The following ZHX2 variants were observed in gnomAD, a reference collection of about 807,000 sequenced individuals.
The protein encoded by ZHX2 is zinc fingers and homeoboxes protein 2.
ZHX2 carries 6 observed loss-of-function variants against 21.9 expected under a neutral mutation model. The ratio of observed to expected loss-of-function variants is 0.27; its 90% CI spans 0.15 to 0.54. The LOEUF is 0.54. Ranked by LOEUF, ZHX2 falls within the 20% of genes least tolerant of loss-of-function variation. The pLI is 0.95. For synonymous variants in ZHX2, 434 were observed against 437.1 expected, an observed-to-expected ratio of 0.99 and a Z score of 0.09; for missense variants, 908 against 1,090.7, an observed-to-expected ratio of 0.83 and a Z score of 2.36.
intron 1 of ZHX2, among the ~76,000 whole-genome samples, chr8:122,829,847 C>T (rs926568529): frequency 5.9e-5 from 9 of 152,218 alleles, no homozygotes; most frequent in African/African-American, 2.2e-4. Context: ...CAATGGCCTT[C>T]CCTCAACTGG....
chr8:122,790,456 T>G (rs1817491105), intron 1 of ZHX2, among the ~76,000 whole-genome samples: 2 of 152,174 alleles, frequency 1.3e-5, no homozygotes, highest in Non-Finnish European at 2.9e-5. Context: ...TACTCCTGCC[T>G]TCAGGAAGGT....
At chr8:122,973,079 C>T (rs759828519) in intron 3 of ZHX2, among the ~76,000 whole-genome samples, 163 bp from the exon 4 acceptor site, 3 of 152,148 alleles carry the variant, frequency 2.0e-5, no homozygotes, top group East Asian at 1.9e-4. Context: ...CAACAGGCCC[C>T]GTACATGAAG....
chr8:122,814,961 A>G (rs1818001659), intron 1 of ZHX2, among the ~76,000 whole-genome samples: 1 of 152,210 alleles, frequency 6.6e-6, no homozygotes, highest in Non-Finnish European at 1.5e-5. Context: ...CATTGTGCCC[A>G]ACATAGGCAC....
At chr8:122,835,556 A>G (rs1818475402) in intron 1 of ZHX2, among the ~76,000 whole-genome samples, 2 of 152,164 alleles carry the variant, frequency 1.3e-5, no homozygotes, top group Admixed American at 6.5e-5. Flanking sequence ...GACTGGGAAG[A>G]TGGCAGCTGA....
chr8:122,845,074 TG>T (rs969043969), intron 1 of ZHX2, among the ~76,000 whole-genome samples: 8 of 152,186 alleles, frequency 5.3e-5, no homozygotes, highest in Non-Finnish European at 8.8e-5. Flanking sequence ...CCAAAGAACA[TG>T]GGCTACAAAC....
intron 3 of ZHX2, among the ~76,000 whole-genome samples, chr8:122,957,511 A>C (rs1290404070): frequency 1.3e-5 from 2 of 152,036 alleles, no homozygotes; most frequent in African/African-American, 4.8e-5. Flanking sequence ...TCTGTGGCCC[A>C]GGCTGGAGTA....
intron 2 of ZHX2, among the ~76,000 whole-genome samples, chr8:122,939,386 C>T (rs1812785308): frequency 6.7e-6 from 1 of 148,898 alleles, no homozygotes; most frequent in East Asian, 2.0e-4. Flanking sequence ...GTGGTGGAAT[C>T]GAGCCGTCAT....
intron 1 of ZHX2, among the ~76,000 whole-genome samples, chr8:122,785,911 TG>T (rs1227036698): frequency 6.6e-6 from 1 of 152,136 alleles, no homozygotes; most frequent in African/African-American, 2.4e-5. Flanking sequence ...GTCACGTGTT[TG>T]GGGAAGGGAA....
At chr8:122,869,060 C>T (rs934837974) in intron 2 of ZHX2, among the ~76,000 whole-genome samples, 1 of 152,198 alleles carries the variant, frequency 6.6e-6, no homozygotes, top group Admixed American at 6.5e-5. Flanking sequence ...CTCCAGTCCT[C>T]TCTGGCCTGC....
At chr8:122,792,730 C>T (rs1817540909) in intron 1 of ZHX2, among the ~76,000 whole-genome samples, 1 of 152,136 alleles carries the variant, frequency 6.6e-6, no homozygotes, top group African/African-American at 2.4e-5. Flanking sequence ...GACACACACA[C>T]ATGCCTGGTC....
chr8:122,857,548 C>T (rs548788713), intron 1 of ZHX2, among the ~76,000 whole-genome samples: 53 of 152,306 alleles, frequency 3.5e-4, no homozygotes, highest in African/African-American at 1.3e-3. Flanking sequence ...CTACACACCC[C>T]AGGGCAGCTG....
At position 122,875,585 on chromosome 8, in the gene ZHX2, G is replaced by A. The variant is rs1365211625; in HGVS notation, c.-220+12046G>A. On this transcript the variant is annotated intron_variant, in intron 2 of 3. Transcript: ENST00000314393. ...TGTAGCAACAGCAGCAGCGCCGGTA[G>A]CAACAGCAGGTGCGGTAGTAGTAGA... Among the ~76,000 whole-genome samples the A allele has an allele frequency of 2.7e-5, 4 of 146,228 alleles. No individual in the cohort carries two copies. The East Asian group carries it at 8.7e-4, about 32-fold the overall frequency.
At chr8:122,887,238 G>T (rs1819864952) in intron 2 of ZHX2, among the ~76,000 whole-genome samples, 1 of 152,134 alleles carries the variant, frequency 6.6e-6, no homozygotes, top group Non-Finnish European at 1.5e-5. Flanking sequence ...CTTCAGCCGG[G>T]CGTGGTGGCT....
intron 1 of ZHX2, among the ~76,000 whole-genome samples, chr8:122,824,653 G>A (rs780839155): frequency 2.6e-5 from 4 of 152,192 alleles, no homozygotes; most frequent in Non-Finnish European, 2.9e-5. Flanking sequence ...ATATAGGGCC[G>A]GTCCCCTGGG....
At chr8:122,872,573 C>T (rs986284047) in intron 2 of ZHX2, among the ~76,000 whole-genome samples, 23 of 152,162 alleles carry the variant, frequency 1.5e-4, no homozygotes, top group Non-Finnish European at 3.1e-4. Flanking sequence ...CCCTAAGTGC[C>T]CTGGCCTAAC....
intron 1 of ZHX2, among the ~76,000 whole-genome samples, chr8:122,798,784 C>T (rs1044785385): frequency 5.4e-5 from 8 of 148,712 alleles, no homozygotes; most frequent in Admixed American, 2.7e-4. Context: ...GGGGACAGAG[C>T]GAGAGCGAGA....
intron 1 of ZHX2, among the ~76,000 whole-genome samples, chr8:122,792,734 C>A (rs1817541112): frequency 6.6e-6 from 1 of 152,136 alleles, no homozygotes; most frequent in Non-Finnish European, 1.5e-5. Context: ...CACACACATG[C>A]CTGGTCATTG....
intron 1 of ZHX2, among the ~76,000 whole-genome samples, chr8:122,852,353 A>G (rs1337886590): frequency 6.6e-6 from 1 of 152,204 alleles, no homozygotes; most frequent in Non-Finnish European, 1.5e-5. Context: ...TCTGAATCCT[A>G]GAAGGTGCAA....
chr8:122,870,689 A>C (rs1193570580), intron 2 of ZHX2, among the ~76,000 whole-genome samples: 1 of 148,918 alleles, frequency 6.7e-6, no homozygotes, highest in Non-Finnish European at 1.5e-5. Flanking sequence ...TGAACTGGTC[A>C]GAGTGCAGAT....
Sources: gnomAD v4.1 joint callset for allele counts (sites outside exome capture counted in the v4.1 genomes callset) on GRCh38, gnomAD v4.1.1 for gene constraint, MANE v1.5 for transcripts, NCBI Gene and HGNC (gene_info 2026-07-23, HGNC 2026-07-21) for gene names.